Variants in BRI3BP observed in about 807,000 individuals in gnomAD.
BRI3BP encodes the protein BRI3-binding protein.
BRI3BP carries 7 observed loss-of-function variants against 15.8 expected under a neutral mutation model. The observed-to-expected ratio is 0.44, with a 90% CI of 0.25 to 0.83. The LOEUF (loss-of-function observed/expected upper bound fraction) is 0.83. Ranked by LOEUF, BRI3BP falls within the 40% of genes least tolerant of loss-of-function variation. The probability of loss-of-function intolerance (pLI) is 0.20; values close to 1 mark genes in which losing one functional copy is unlikely to be tolerated. For missense variants in BRI3BP, 320 were observed against 339.3 expected, an observed-to-expected ratio of 0.94 and a Z score of 0.45; for synonymous variants, 192 against 163.5, an observed-to-expected ratio of 1.17 and a Z score of -1.33.
chr12:125,020,451 C>A (rs1467860408), intron 2 of BRI3BP, among the ~76,000 whole-genome samples: 1 of 152,218 alleles, frequency 6.6e-6, no homozygotes, highest in African/African-American at 2.4e-5. Flanking sequence ...GATCACCTCC[C>A]CAGGACCCCA....
intron 1 of BRI3BP, among the ~76,000 whole-genome samples, chr12:125,008,299 C>CTTTTTTTTTTTTTTTTTTTTT (rs55697100): frequency 7.0e-5 from 7 of 99,944 alleles, no homozygotes; most frequent in Non-Finnish European, 9.2e-5. Context: ...CCTCTTCTTT[C>CTTTTTTTTTTTTTTTTTTTTT]TTTTTTTTTT....
downstream of BRI3BP, among the ~76,000 whole-genome samples, chr12:125,032,317 G>C (rs899170867): frequency 6.6e-6 from 1 of 152,086 alleles, no homozygotes; most frequent in African/African-American, 2.4e-5. Flanking sequence ...AATTAGCCGG[G>C]CGTGGTGGCA....
chr12:125,012,614 C>T lies in BRI3BP; in HGVS notation c.294C>T (p.Leu98=). The T allele has an allele frequency of 6.2e-7, 1 of 1,606,906 alleles. No individual in the cohort carries two copies. Among genetic ancestry groups the T allele is most frequent in the Non-Finnish European group, 8.5e-7 (1 of 1,173,514 alleles). The change falls in exon 2 of 3, where the codon CTC becomes CTT. Residue 98 remains leucine (L), a synonymous_variant. Transcript: ENST00000341446. The part of the protein sequence containing the change: ...VETLWKVWTE[L]LDVLGLDVSN... ...CACTGTGGAAAGTCTGGACCGAGCT[C>T]TTGGATGTTCTTGGACTTGACGGTA...
chr12:125,002,461 GTTT>G (rs773663060), intron 1 of BRI3BP, among the ~76,000 whole-genome samples: 1 of 124,114 alleles, frequency 8.1e-6, no homozygotes, highest in African/African-American at 2.8e-5. Flanking sequence ...TTTTTGTTTT[GTTT>G]TTTTTTTTTT....
chr12:124,999,490 C>G (rs1406135223), intron 1 of BRI3BP, among the ~76,000 whole-genome samples: 1 of 150,418 alleles, frequency 6.6e-6, no homozygotes, highest in African/African-American at 2.4e-5. Context: ...GTAGCTCAAT[C>G]TTGGCTCACT....
intron 2 of BRI3BP, 147 bp from the exon 3 acceptor site, chr12:125,024,844 C>T: frequency 1.5e-6 from 1 of 678,254 alleles, no homozygotes; most frequent in Admixed American, 2.9e-5. Context: ...CAAAGTGTGA[C>T]TATTCACAGA....
At chr12:125,018,002 G>T (rs1955262059) in intron 2 of BRI3BP, among the ~76,000 whole-genome samples, 1 of 152,072 alleles carries the variant, frequency 6.6e-6, no homozygotes, top group Non-Finnish European at 1.5e-5. Flanking sequence ...GTGTAGGGTG[G>T]TGGGATGGCG....
chr12:125,027,227 G>A lies in BRI3BP; in HGVS notation c.*1797G>A, dbSNP rs1955363125. On this transcript the variant is annotated 3_prime_UTR_variant, in exon 3 of 3. Coordinates refer to ENST00000341446, the MANE Select transcript of BRI3BP (RefSeq NM_080626.6). ...AAGTATCTGGAAAACAGATGCAGAT[G>A]TTTTTGTGGATGTTGTTGAGACTTT... The A allele has an allele frequency of 6.6e-6, 1 of 152,208 alleles. No homozygotes were observed. The allele number at this position is 152,208 out of a possible 1,614,324, so 9.4% of individuals were successfully genotyped here. A position where few individuals can be genotyped will look rare whatever the true frequency, so the allele number is the denominator to read the frequency against.
intron 1 of BRI3BP, among the ~76,000 whole-genome samples, chr12:124,996,180 C>T (rs1466860951): frequency 1.3e-5 from 2 of 152,018 alleles, no homozygotes; most frequent in East Asian, 1.9e-4. Flanking sequence ...TTCCAAAGTG[C>T]TGGGATTACA....
At chr12:125,050,857 T>TTG in the BRI3BP span, among the ~76,000 whole-genome samples, 2,885 of 152,242 alleles carry the variant, frequency 0.019, 85 homozygotes, top group African/African-American at 0.064. Flanking sequence ...TAAGGGACAT[T>TTG]TGTGTGTGCG....
chr12:125,040,555 C>G, the BRI3BP span, among the ~76,000 whole-genome samples: 2 of 150,964 alleles, frequency 1.3e-5, no homozygotes, highest in African/African-American at 4.9e-5. Context: ...GTTGGTCAGA[C>G]TGGTCTTGCA....
At chr12:125,032,491 C>G (rs575146346), downstream of BRI3BP, among the ~76,000 whole-genome samples, 7 of 151,522 alleles carry the variant, frequency 4.6e-5, no homozygotes, top group Non-Finnish European at 1.0e-4. Flanking sequence ...ATTTTGTGGC[C>G]GGGTGCAGTG....
chr12:125,048,098 T>G, the BRI3BP span, among the ~76,000 whole-genome samples: 1 of 151,322 alleles, frequency 6.6e-6, no homozygotes, highest in African/African-American at 2.4e-5. Context: ...TGAGTTGGGT[T>G]GGGTGGTTAG....
chr12:125,018,750 G>A (rs1955268667), intron 2 of BRI3BP, among the ~76,000 whole-genome samples: 1 of 151,574 alleles, frequency 6.6e-6, no homozygotes, highest in Non-Finnish European at 1.5e-5. Context: ...CGCTATCTCG[G>A]CTCACTGCAG....
intron 1 of BRI3BP, among the ~76,000 whole-genome samples, chr12:124,995,530 T>C (rs1230819185): frequency 2.0e-5 from 3 of 152,174 alleles, no homozygotes; most frequent in Admixed American, 1.3e-4. Context: ...TTTAAGACTT[T>C]TACTTAAATA....
downstream of BRI3BP, among the ~76,000 whole-genome samples, chr12:125,032,969 C>G (rs1955417683): frequency 6.6e-6 from 1 of 152,068 alleles, no homozygotes; most frequent in Non-Finnish European, 1.5e-5. Flanking sequence ...CCTGCCCCAG[C>G]CTGACCAGCT....
intron 1 of BRI3BP, among the ~76,000 whole-genome samples, chr12:125,003,141 C>T (rs1333535673): frequency 6.6e-6 from 1 of 152,214 alleles, no homozygotes; most frequent in Non-Finnish European, 1.5e-5. Context: ...GCTTGCTTAT[C>T]AAGATGCCTT....
intron 1 of BRI3BP, among the ~76,000 whole-genome samples, chr12:124,999,354 T>C (rs555911086): frequency 1.3e-5 from 2 of 152,300 alleles, no homozygotes; most frequent in South Asian, 2.1e-4. Flanking sequence ...TGTATAAATA[T>C]ATGGATCTAT....
At chr12:125,003,160 T>G (rs1368758517) in intron 1 of BRI3BP, among the ~76,000 whole-genome samples, 1 of 152,222 alleles carries the variant, frequency 6.6e-6, no homozygotes, top group Admixed American at 6.5e-5. Context: ...TTTGCCCTCA[T>G]GGCCTGATTT....
Sources: gnomAD v4.1 joint callset for allele counts (sites outside exome capture counted in the v4.1 genomes callset) on GRCh38, gnomAD v4.1.1 for gene constraint, MANE v1.5 for transcripts, NCBI Gene and HGNC (gene_info 2026-07-23, HGNC 2026-07-21) for gene names.